The following ZFHX3 variants were observed in gnomAD, a reference collection of about 807,000 sequenced individuals.
ZFHX3 encodes zinc finger homeobox 3, also known as zinc finger homeobox protein 3.
In ZFHX3, 42 loss-of-function variants were observed where a neutral mutation model predicts 279.1. That is an observed-to-expected ratio of 0.15 (90% CI 0.12 to 0.19). The LOEUF (loss-of-function observed/expected upper bound fraction) is 0.19. Ranked by LOEUF, ZFHX3 falls within the 10% of genes least tolerant of loss-of-function variation. The pLI, the probability that ZFHX3 is intolerant of heterozygous loss-of-function variation, is 1.00. For synonymous variants in ZFHX3, 2,293 were observed against 1,957.8 expected (o/e 1.17, Z -4.52); for missense variants, 4,981 against 4,754.0 (o/e 1.05, Z -1.40).
intron 5 of ZFHX3, among the ~76,000 whole-genome samples, chr16:73,205,651 T>C (rs1015957614): frequency 1.3e-5 from 2 of 152,212 alleles, no homozygotes; most frequent in Non-Finnish European, 1.5e-5. Flanking sequence ...TGTGTGTGTG[T>C]GCGTGAATGA....
At chr16:73,737,992 G>C (rs953052014) in intron 1 of ZFHX3, among the ~76,000 whole-genome samples, 3 of 152,080 alleles carry the variant, frequency 2.0e-5, no homozygotes, top group Non-Finnish European at 2.9e-5. Flanking sequence ...CAAAACTAAT[G>C]GCAACGTTGA....
At chr16:73,326,606 G>C (rs1055004756) in intron 3 of ZFHX3, among the ~76,000 whole-genome samples, 2 of 152,158 alleles carry the variant, frequency 1.3e-5, no homozygotes, top group African/African-American at 4.8e-5. Flanking sequence ...CAAGGGTTGA[G>C]GGGGGAGGGA....
intron 3 of ZFHX3, among the ~76,000 whole-genome samples, chr16:72,927,681 A>G (rs1959530795): frequency 6.6e-6 from 1 of 151,848 alleles, no homozygotes; most frequent in Non-Finnish European, 1.5e-5. Flanking sequence ...GCCCCTCCGG[A>G]GCCGCCCGGG....
At chr16:73,571,404 T>A (rs1329404130) in intron 2 of ZFHX3, among the ~76,000 whole-genome samples, 1 of 152,274 alleles carries the variant, frequency 6.6e-6, no homozygotes, top group African/African-American at 2.4e-5. Context: ...TGGAGATATA[T>A]GTGTATTTTT....
intron 2 of ZFHX3, among the ~76,000 whole-genome samples, chr16:73,468,438 T>A (rs1164524681): frequency 6.6e-6 from 1 of 152,170 alleles, no homozygotes; most frequent in Non-Finnish European, 1.5e-5. Flanking sequence ...ATAATGTGCC[T>A]AGCAGGAAAA....
At chr16:72,804,521 C>T (rs989509357) in intron 7 of ZFHX3, among the ~76,000 whole-genome samples, 4 of 152,162 alleles carry the variant, frequency 2.6e-5, no homozygotes, top group African/African-American at 9.7e-5. Flanking sequence ...CCTTGATCTA[C>T]TAGGAGAGGT....
At chr16:73,705,116 T>C (rs2053290417) in intron 1 of ZFHX3, among the ~76,000 whole-genome samples, 1 of 152,212 alleles carries the variant, frequency 6.6e-6, no homozygotes, top group Admixed American at 6.5e-5. Flanking sequence ...TACAGAATAG[T>C]AAAATGTAGT....
chr16:73,620,130 T>C (rs1955654209), intron 2 of ZFHX3, among the ~76,000 whole-genome samples: 1 of 152,150 alleles, frequency 6.6e-6, no homozygotes. Context: ...TCCAGTTTTA[T>C]CCACACAAGC....
chr16:72,919,453 GC>G (rs1597377403), intron 3 of ZFHX3, among the ~76,000 whole-genome samples: 1 of 152,082 alleles, frequency 6.6e-6, no homozygotes, highest in Admixed American at 6.6e-5. Context: ...GAGCCAGTGT[GC>G]CCAGCATATT....
At position 73,296,877 on chromosome 16, in the gene ZFHX3, A is replaced by ATGTTTTTTTTTTTTTTTTT. The variant is rs755308796; in HGVS notation, c.-1194+21362_-1194+21363insAAAAAAAAAAAAAAAAACA. 3.1e-4 allele frequency among the ~76,000 whole-genome samples: 36 copies of ATGTTTTTTTTTTTTTTTTT among 116,080 alleles called. 7 individuals are homozygous for ATGTTTTTTTTTTTTTTTTT. The highest frequency in any genetic ancestry group is 6.3e-4 in the African/African-American group (18 of 28,736). 76.2% of individuals were successfully genotyped at this position (116,080 alleles called of 152,430 possible). A position where few individuals can be genotyped will look rare whatever the true frequency, so the allele number is the denominator to read the frequency against. On this transcript the variant is annotated intron_variant, in intron 4 of 17. Coordinates refer to the ZFHX3 transcript ENST00000641206. The stretch of plus-strand genomic sequence containing the variant: ...TTTATAATTGCCATGTGAAGCAGGA[A>ATGTTTTTTTTTTTTTTTTT]TTTTTTTTTTTTTTTTTTTGAGACG...
At chr16:72,872,483 A>T (rs1429698370) in intron 4 of ZFHX3, among the ~76,000 whole-genome samples, 2 of 152,122 alleles carry the variant, frequency 1.3e-5, no homozygotes, top group African/African-American at 4.8e-5. Context: ...TTTGAGACAG[A>T]GTCTCACTGT....
chr16:73,020,992 G>A (rs1041680494), intron 1 of ZFHX3, among the ~76,000 whole-genome samples: 2 of 152,210 alleles, frequency 1.3e-5, no homozygotes, highest in Admixed American at 6.5e-5. Flanking sequence ...TCTGCATACC[G>A]TATAGAGCAC....
intron 5 of ZFHX3, among the ~76,000 whole-genome samples, chr16:73,201,796 C>A (rs780306730): frequency 2.0e-5 from 3 of 152,166 alleles, no homozygotes; most frequent in Non-Finnish European, 4.4e-5. Flanking sequence ...TAAGAATAGT[C>A]ACTGTATTTT....
intron 3 of ZFHX3, among the ~76,000 whole-genome samples, chr16:73,376,384 T>C (rs534583712): frequency 6.6e-6 from 1 of 152,348 alleles, no homozygotes; most frequent in South Asian, 2.1e-4. Flanking sequence ...TCTGGACCAT[T>C]TTCTCTCTCT....
intron 1 of ZFHX3, among the ~76,000 whole-genome samples, chr16:73,779,805 A>G (rs1170865562): frequency 6.6e-6 from 1 of 151,674 alleles, no homozygotes; most frequent in East Asian, 1.9e-4. Flanking sequence ...GCAACCTCCA[A>G]CTCCCAGGAT....
Position 72,787,048 on chromosome 16 carries a change from T to G in ZFHX3, c.*116A>C, listed in dbSNP as rs578154222. On this transcript the variant is annotated 3_prime_UTR_variant, in exon 10 of 10. Transcript: ENST00000268489. Reference sequence around the variant, plus strand: ...GCTTTTTCTTTTTTTTCTTTTTTTTTTTTTTTTTGTTTTTTGGTTAGAAGC... The same window carrying G: ...GCTTTTTCTTTTTTTTCTTTTTTTTGTTTTTTTTGTTTTTTGGTTAGAAGC... 4 of 1,008,040 alleles carry G rather than the reference T, an allele frequency of 4.0e-6. No homozygotes were observed. The highest frequency in any genetic ancestry group is 1.7e-5 in the African/African-American group (1 of 59,450). The allele number at this position is 1,008,040 out of a possible 1,614,324, so 62.4% of individuals were successfully genotyped here. A position where few individuals can be genotyped will look rare whatever the true frequency, so the allele number is the denominator to read the frequency against.
chr16:73,346,083 G>A (rs1036197998), intron 3 of ZFHX3, among the ~76,000 whole-genome samples: 2 of 152,128 alleles, frequency 1.3e-5, no homozygotes, highest in African/African-American at 4.8e-5. Flanking sequence ...CCAAGGCTCA[G>A]CGACCCTGCA....
At chr16:72,979,345 G>GA (rs1962489419) in intron 1 of ZFHX3, among the ~76,000 whole-genome samples, 1 of 152,182 alleles carries the variant, frequency 6.6e-6, no homozygotes, top group South Asian at 2.1e-4. Context: ...AAGGCCTATG[G>GA]AAAAAACAGC....
intron 2 of ZFHX3, among the ~76,000 whole-genome samples, chr16:73,613,635 G>A (rs1007783430): frequency 1.8e-4 from 27 of 152,094 alleles, no homozygotes; most frequent in African/African-American, 6.5e-4. Flanking sequence ...ATGAGACTTT[G>A]GTCCTCCCTA....
Sources: gnomAD v4.1 joint callset for allele counts (sites outside exome capture counted in the v4.1 genomes callset) on GRCh38, gnomAD v4.1.1 for gene constraint, MANE v1.5 for transcripts, NCBI Gene and HGNC (gene_info 2026-07-23, HGNC 2026-07-21) for gene names.